SMYD4: variants seen among roughly 807,000 people sequenced by gnomAD.
The protein encoded by SMYD4 is protein-lysine N-methyltransferase SMYD4.
Under a neutral mutation model 72.8 loss-of-function variants are expected in SMYD4, and 68 were observed. The observed-to-expected ratio is 0.93, with a 90% confidence interval of 0.77 to 1.14. The LOEUF (loss-of-function observed/expected upper bound fraction) is 1.14. Among genes scored for constraint, SMYD4 ranks in the 50% most tolerant of loss-of-function variants. SMYD4 has a pLI of 0.00. For synonymous variants in SMYD4, 407 were observed against 388.6 expected, an observed-to-expected ratio of 1.05 and a Z score of -0.56; for missense variants, 984 against 1,003.7, an observed-to-expected ratio of 0.98 and a Z score of 0.27.
At chr17:1,785,802 G>A (rs1237911113) in intron 7 of SMYD4, among the ~76,000 whole-genome samples, 1 of 147,324 alleles carries the variant, frequency 6.8e-6, no homozygotes, top group Non-Finnish European at 1.5e-5. Context: ...AATAGAAAAA[G>A]GTGCTAGGTG....
Position 1,811,996 on chromosome 17 carries a change from G to A in SMYD4, c.254C>T (p.Thr85Ile). The change falls in exon 3 of 11, where the codon ACA (threonine) becomes ATA (isoleucine). Residue 85 changes from threonine to isoleucine, a missense_variant. Transcript: ENST00000305513. Reference sequence around the variant, plus strand: ...CTTAGAGTACAGCACTGCAGCTCCTGTGTAATCTTTCTCCTGAAATTTTTT... The same window carrying A: ...CTTAGAGTACAGCACTGCAGCTCCTATGTAATCTTTCTCCTGAAATTTTTT... ...GNKKFQEKDY[T>I]GAAVLYSKGV... 6.2e-7 allele frequency: 1 copy of A among 1,614,118 alleles called. No homozygotes were observed. Among genetic ancestry groups the A allele is most frequent in the Non-Finnish European group, 8.5e-7 (1 of 1,180,024 alleles).
At chr17:1,788,242 C>T (rs1458094873) in intron 5 of SMYD4, among the ~76,000 whole-genome samples, 4 of 152,052 alleles carry the variant, frequency 2.6e-5, no homozygotes, top group African/African-American at 7.2e-5. Context: ...GTCCCAGCTA[C>T]TCAGGAGGCT....
At position 1,783,488 on chromosome 17, in the gene SMYD4, G is replaced by A. The variant is rs764250806; in HGVS notation, c.2021-12C>T. On this transcript the variant is annotated splice_polypyrimidine_tract_variant and intron_variant, in intron 8 of 10. Transcript: ENST00000305513. The stretch of plus-strand genomic sequence containing the variant: ...CTGAACAGCTCGCTCTGTCAATGCA[G>A]AGGAAAGACGTCTCACTATAGACAG... 1.9e-6 allele frequency: 3 copies of A among 1,593,830 alleles called. No homozygotes were observed. Among genetic ancestry groups the A allele is most frequent in the Non-Finnish European group, 2.6e-6 (3 of 1,170,270 alleles).
chr17:1,807,475 C>T (rs895351354), intron 3 of SMYD4, among the ~76,000 whole-genome samples: 1 of 151,920 alleles, frequency 6.6e-6, no homozygotes, highest in South Asian at 2.1e-4. Flanking sequence ...ATTCTCCTGT[C>T]TCAGCCTCCT....
intron 2 of SMYD4, among the ~76,000 whole-genome samples, chr17:1,822,904 A>G (rs1910966494): frequency 6.6e-6 from 1 of 152,232 alleles, no homozygotes; most frequent in Non-Finnish European, 1.5e-5. Context: ...TGTAAGACCT[A>G]TATAAAGAAA....
At chr17:1,808,449 A>ACT (rs1910156395) in intron 3 of SMYD4, among the ~76,000 whole-genome samples, 1 of 152,242 alleles carries the variant, frequency 6.6e-6, no homozygotes, top group East Asian at 1.9e-4. Flanking sequence ...GATGGACGTA[A>ACT]GCAAAAATGT....
intron 5 of SMYD4, among the ~76,000 whole-genome samples, chr17:1,796,665 G>A: frequency 6.6e-6 from 1 of 151,958 alleles, no homozygotes; most frequent in Non-Finnish European, 1.5e-5. Flanking sequence ...TTGATCTCTT[G>A]ACCTCGAGAT....
rs577554737 is a variant in SMYD4 at position 1,811,150 on chromosome 17, C to G, written c.279+821G>C. On this transcript the variant is annotated intron_variant, in intron 3 of 10. Coordinates refer to ENST00000305513, the MANE Select transcript of SMYD4 (RefSeq NM_052928.3). ...TAACACACGCCCACTGGGGCTTCAACTGTAAACATTCATCCCTAGACACTG... is the reference window on the plus strand; with the variant it reads ...TAACACACGCCCACTGGGGCTTCAAGTGTAAACATTCATCCCTAGACACTG... Among the ~76,000 whole-genome samples, 9 of 152,346 alleles carry G rather than the reference C, an allele frequency of 5.9e-5. No homozygotes were observed. The East Asian group carries it at 1.7e-3, about 29-fold the overall frequency.
Position 1,804,772 on chromosome 17 carries a change from A to G in SMYD4, c.280-57T>C, listed in dbSNP as rs1204807899. The G allele has an allele frequency of 2.0e-5, 31 of 1,543,508 alleles. No individual in the cohort carries two copies. The Admixed American group carries it at 2.0e-4, about 10-fold the overall frequency. ...ATGGACACCAGCATCTCTGAAGAAC[A>G]TTTTTCAGATATTCCGGGCTCTAGT... On this transcript the variant is annotated intron_variant, in intron 3 of 10. Transcript: ENST00000305513.
At chr17:1,787,329 A>C in intron 6 of SMYD4, 93 bp downstream of exon 6, 1 of 1,456,340 alleles carries the variant, frequency 6.9e-7, no homozygotes, top group Non-Finnish European at 9.4e-7. Flanking sequence ...GACAGTAGAC[A>C]GGTGAAGTCA....
At chr17:1,784,293 G>C in intron 8 of SMYD4, 33 bp downstream of exon 8, 1 of 1,613,656 alleles carries the variant, frequency 6.2e-7, no homozygotes, top group Non-Finnish European at 8.5e-7. Flanking sequence ...AAAGGGAAGG[G>C]GCTGGAGGAC....
At chr17:1,822,921 A>G (rs1910966848) in intron 2 of SMYD4, among the ~76,000 whole-genome samples, 1 of 152,192 alleles carries the variant, frequency 6.6e-6, no homozygotes, top group Non-Finnish European at 1.5e-5. Context: ...GAAAACTATA[A>G]AACTTTACTT....
chr17:1,812,584 T>C (rs1006402554), intron 2 of SMYD4, among the ~76,000 whole-genome samples: 6 of 135,676 alleles, frequency 4.4e-5, no homozygotes, highest in African/African-American at 1.7e-4. Flanking sequence ...GGAGTCTCAC[T>C]GTCACCCAGG....
intron 5 of SMYD4, among the ~76,000 whole-genome samples, chr17:1,797,434 G>A (rs1213014668): frequency 6.6e-6 from 1 of 152,210 alleles, no homozygotes; most frequent in African/African-American, 2.4e-5. Flanking sequence ...GAGATGTCAA[G>A]CTGGATCATG....
At chr17:1,814,991 C>G (rs753288638) in intron 2 of SMYD4, among the ~76,000 whole-genome samples, 3 of 151,902 alleles carry the variant, frequency 2.0e-5, no homozygotes, top group Non-Finnish European at 4.4e-5. Context: ...CTAGTTCAAA[C>G]AAAAGGTTTG....
In SMYD4 at chr17:1,784,370, T is replaced by G. The variant is rs764533817; in HGVS notation, c.1976A>C (p.Gln659Pro). Residue 659 changes from glutamine to proline, a missense_variant, in exon 8 of 11, where the codon CAG becomes CCG. Transcript: ENST00000305513. ...AAGCTTCTGGGCCACTCTGACCTGC[T>G]GCTGTAGGTCCTGTAACCGAGAGAC... ...HLVSRLQDLQ[Q>P]QVRVAQKLLR... 1.9e-6 allele frequency: 3 copies of G among 1,614,248 alleles called. No individual in the cohort carries two copies. Among genetic ancestry groups the G allele is most frequent in the Non-Finnish European group, 2.5e-6 (3 of 1,180,042 alleles).
chr17:1,798,137 ATTTT>A (rs935240097), intron 5 of SMYD4, among the ~76,000 whole-genome samples: 3 of 142,262 alleles, frequency 2.1e-5, no homozygotes, highest in African/African-American at 7.7e-5. Flanking sequence ...TTGTGCATGT[ATTTT>A]TTTTTTTTTT....
At chr17:1,794,055 G>A (rs1236046557) in intron 5 of SMYD4, among the ~76,000 whole-genome samples, 25,047 of 69,546 alleles carry the variant, frequency 0.36, 6,015 homozygotes, top group Non-Finnish European at 0.49. Context: ...ATATATATGT[G>A]TGTATATATA....
chr17:1,821,363 A>G (rs1177793616), intron 2 of SMYD4, among the ~76,000 whole-genome samples: 2 of 151,848 alleles, frequency 1.3e-5, no homozygotes, highest in Non-Finnish European at 2.9e-5. Context: ...AAAAATACAA[A>G]ATTAGCTGGG....
Sources: gnomAD v4.1 joint callset for allele counts (sites outside exome capture counted in the v4.1 genomes callset) on GRCh38, gnomAD v4.1.1 for gene constraint, MANE v1.5 for transcripts, NCBI Gene and HGNC (gene_info 2026-07-23, HGNC 2026-07-21) for gene names.